Variants in SYT1 observed in about 807,000 individuals in gnomAD.
The protein encoded by SYT1 is synaptotagmin-1.
SYT1 carries 8 observed loss-of-function variants against 44.8 expected under a neutral mutation model. The observed-to-expected ratio is 0.18, with a 90% CI of 0.10 to 0.32. The LOEUF (loss-of-function observed/expected upper bound fraction) is 0.32. Among genes scored for constraint, SYT1 ranks in the 10% least tolerant of loss-of-function variants. The pLI, the probability that SYT1 is intolerant of heterozygous loss-of-function variation, is 1.00. For missense variants in SYT1, 286 were observed against 509.3 expected, an observed-to-expected ratio of 0.56 and a Z score of 4.22; for synonymous variants, 154 against 188.8, an observed-to-expected ratio of 0.82 and a Z score of 1.51.
intron 3 of SYT1, among the ~76,000 whole-genome samples, chr12:79,179,221 T>G (rs62647615): frequency 4.4e-3 from 46 of 10,390 alleles, no homozygotes; most frequent in East Asian, 0.02. Flanking sequence ...TATAGATATA[T>G]AGATATAGAT....
At chr12:79,260,229 A>G (rs534827074) in intron 4 of SYT1, among the ~76,000 whole-genome samples, 1 of 152,224 alleles carries the variant, frequency 6.6e-6, no homozygotes, top group Non-Finnish European at 1.5e-5. Flanking sequence ...GACGGTCTTT[A>G]TACAACAGAA....
intron 4 of SYT1, among the ~76,000 whole-genome samples, chr12:79,233,192 G>T (rs1054933986): frequency 4.0e-5 from 6 of 151,866 alleles, no homozygotes; most frequent in African/African-American, 2.4e-5. Context: ...TCACCCCCAA[G>T]CATGTTTATT....
intron 8 of SYT1, among the ~76,000 whole-genome samples, chr12:79,323,412 A>G (rs2138986527): frequency 6.6e-6 from 1 of 152,342 alleles, no homozygotes; most frequent in East Asian, 1.9e-4. Flanking sequence ...GGAAAGTCGG[A>G]TAAATGTAAC....
At chr12:79,035,432 C>T (rs1873068593) in intron 2 of SYT1, among the ~76,000 whole-genome samples, 1 of 151,694 alleles carries the variant, frequency 6.6e-6, no homozygotes, top group African/African-American at 2.4e-5. Flanking sequence ...TTTTGGTTGG[C>T]TTCTCCTTTT....
chr12:79,320,183 T>C (rs891394897), intron 8 of SYT1, among the ~76,000 whole-genome samples: 2 of 152,206 alleles, frequency 1.3e-5, no homozygotes, highest in African/African-American at 4.8e-5. Context: ...AAAAAATGTA[T>C]GATTCCCTAA....
At chr12:79,332,124 A>T (rs922464538) in intron 8 of SYT1, among the ~76,000 whole-genome samples, 10 of 152,336 alleles carry the variant, frequency 6.6e-5, no homozygotes, top group African/African-American at 2.4e-4. Context: ...AATCCCTGGT[A>T]TCTCAGCAGG....
At chr12:79,012,454 C>A (rs898769588) in intron 2 of SYT1, among the ~76,000 whole-genome samples, 3 of 152,158 alleles carry the variant, frequency 2.0e-5, no homozygotes, top group African/African-American at 7.2e-5. Context: ...CTTACTCAAG[C>A]ATAATTGAGC....
At chr12:79,146,597 A>G (rs371460018) in intron 3 of SYT1, among the ~76,000 whole-genome samples, 1 of 152,214 alleles carries the variant, frequency 6.6e-6, no homozygotes. Flanking sequence ...TCTTCTCCAG[A>G]CATTCACCTC....
At chr12:79,054,978 C>T (rs374040237) in intron 3 of SYT1, among the ~76,000 whole-genome samples, 2 of 151,970 alleles carry the variant, frequency 1.3e-5, no homozygotes, top group East Asian at 3.9e-4. Context: ...TTTTTTGATA[C>T]ACTAACAAAG....
chr12:79,126,615 A>G (rs1475834377), intron 3 of SYT1, among the ~76,000 whole-genome samples: 1 of 152,172 alleles, frequency 6.6e-6, no homozygotes, highest in East Asian at 1.9e-4. Flanking sequence ...TGAAATAGCG[A>G]CTTTGGAGGA....
At chr12:79,435,308 T>C (rs1476296934) in intron 9 of SYT1, among the ~76,000 whole-genome samples, 3 of 152,050 alleles carry the variant, frequency 2.0e-5, no homozygotes, top group African/African-American at 7.2e-5. Flanking sequence ...AAGATAAAAT[T>C]TCCTTTTTAG....
At chr12:78,864,315 C>CT (rs1873414445), upstream of SYT1, 1 of 148,030 alleles carries the variant, frequency 6.8e-6, no homozygotes, top group African/African-American at 2.5e-5. Context: ...CTGTTGCAGT[C>CT]TGGGCATGCT....
Position 79,096,089 on chromosome 12 carries a change from C to T in SYT1, c.-18+48727C>T, listed in dbSNP as rs73353589. ...TGTTGTTTCATTGTACAGATAAAGT[C>T]TCTCAGGCAATAGCCCACAGAAAGA... On this transcript the variant is annotated intron_variant, in intron 3 of 10. Coordinates refer to ENST00000261205, the MANE Select transcript of SYT1 (RefSeq NM_005639.3). Among the ~76,000 whole-genome samples, 1,190 of 151,936 alleles carry T rather than the reference C, an allele frequency of 7.8e-3. 17 individuals carry two copies. The highest frequency in any genetic ancestry group is 0.027 in the African/African-American group (1,135 of 41,484).
intron 3 of SYT1, among the ~76,000 whole-genome samples, chr12:79,149,789 T>C (rs1870151930): frequency 6.6e-6 from 1 of 152,164 alleles, no homozygotes; most frequent in Non-Finnish European, 1.5e-5. Flanking sequence ...ACATTCTACA[T>C]GGCAATTACG....
chr12:79,058,603 C>T (rs1875138837), intron 3 of SYT1, among the ~76,000 whole-genome samples: 1 of 152,008 alleles, frequency 6.6e-6, no homozygotes, highest in Non-Finnish European at 1.5e-5. Flanking sequence ...AATAATTGGG[C>T]CAAAGTGTCC....
chr12:78,864,371 A>T (rs1873417490), upstream of SYT1: 1 of 150,450 alleles, frequency 6.6e-6, no homozygotes, highest in Non-Finnish European at 1.5e-5. Flanking sequence ...AAAAAAAAAA[A>T]AGCTTTGTAT....
chr12:79,040,644 A>G (rs1387523689), intron 2 of SYT1, among the ~76,000 whole-genome samples: 1 of 151,774 alleles, frequency 6.6e-6, no homozygotes, highest in African/African-American at 2.4e-5. Context: ...CCCATTTGTC[A>G]ATTTTGTCTT....
At chr12:79,261,266 C>T (rs1877815902) in intron 4 of SYT1, among the ~76,000 whole-genome samples, 2 of 152,224 alleles carry the variant, frequency 1.3e-5, no homozygotes, top group Admixed American at 1.3e-4. Context: ...ATCTATGCCA[C>T]ATCTACTATT....
Position 79,140,831 on chromosome 12 carries a change from GC to G in SYT1, c.-17-76670del, listed in dbSNP as rs1869511043. Among the ~76,000 whole-genome samples the G allele has an allele frequency of 2.6e-5, 4 of 152,130 alleles. No homozygotes were observed. The South Asian group carries it at 8.3e-4, about 32-fold the overall frequency. Reference sequence around the variant, plus strand: ...AGAGAAGCCTATAGGCTAACAGATTGCCAGCACCCCTGTGACCATTACTGTT... The same window carrying G: ...AGAGAAGCCTATAGGCTAACAGATTGCAGCACCCCTGTGACCATTACTGTT... On this transcript the variant is annotated intron_variant, in intron 3 of 10. Transcript: ENST00000261205.
Sources: allele counts gnomAD v4.1 joint callset (sites outside exome capture counted in the v4.1 genomes callset), GRCh38; gene constraint gnomAD v4.1.1; transcripts MANE v1.5; gene names NCBI Gene and HGNC (gene_info 2026-07-23, HGNC 2026-07-21).